Variants in NRXN3 observed in about 807,000 individuals in gnomAD.
The protein encoded by NRXN3 is neurexin 3.
NRXN3 carries 32 observed loss-of-function variants against 137.6 expected under a neutral mutation model. The observed-to-expected ratio is 0.23, with a 90% confidence interval of 0.18 to 0.31. The LOEUF is 0.31. Ranked by LOEUF, NRXN3 falls within the 10% of genes least tolerant of loss-of-function variation. The probability of loss-of-function intolerance (pLI) is 1.00; values close to 1 mark genes in which losing one functional copy is unlikely to be tolerated. For synonymous variants in NRXN3, 798 were observed against 784.5 expected (o/e 1.02, Z -0.29); for missense variants, 1,574 against 2,062.5 (o/e 0.76, Z 4.59).
chr14:79,692,644 C>T lies in NRXN3; in HGVS notation c.3706+382C>T, dbSNP rs77794894. Among the ~76,000 whole-genome samples, 777 of 152,052 alleles carry T rather than the reference C, an allele frequency of 5.1e-3. 52 individuals are homozygous for T. In the East Asian group the frequency reaches 0.13, roughly 26 times the overall value. ...ATTCCAAAAGGGCTTTTTAAACTTA[C>T]ACCTGGAGGCTGTTTTGGCTTGTAG... On this transcript the variant is annotated intron_variant, in intron 18 of 20. Transcript: ENST00000335750.
chr14:79,256,614 C>T (rs1185708724), intron 15 of NRXN3, among the ~76,000 whole-genome samples: 2 of 152,234 alleles, frequency 1.3e-5, no homozygotes, highest in Middle Eastern at 3.4e-3. Context: ...GGTTAAGTGC[C>T]CAGCATTAAT....
chr14:79,303,573 T>G (rs1376386202), intron 15 of NRXN3, among the ~76,000 whole-genome samples: 1 of 152,036 alleles, frequency 6.6e-6, no homozygotes, highest in Non-Finnish European at 1.5e-5. Flanking sequence ...TGTCAAAGAC[T>G]GAAGTGAAAG....
At chr14:79,106,768 A>T (rs1176143285) in intron 15 of NRXN3, among the ~76,000 whole-genome samples, 1 of 152,152 alleles carries the variant, frequency 6.6e-6, no homozygotes, top group African/African-American at 2.4e-5. Context: ...GATGACTGAA[A>T]GGCTTATAAA....
intron 16 of NRXN3, among the ~76,000 whole-genome samples, chr14:79,585,444 T>A (rs1394377867): frequency 6.6e-6 from 1 of 152,034 alleles, no homozygotes; most frequent in Non-Finnish European, 1.5e-5. Context: ...CCCAGCACTT[T>A]GGGAGGCCAG....
At chr14:78,692,143 G>C (rs776593143) in intron 6 of NRXN3, among the ~76,000 whole-genome samples, 1 of 152,164 alleles carries the variant, frequency 6.6e-6, no homozygotes, top group Non-Finnish European at 1.5e-5. Context: ...AAGCATTAAT[G>C]AAACACCTAA....
chr14:79,630,381 C>A (rs1198784804), intron 16 of NRXN3, among the ~76,000 whole-genome samples: 1 of 152,214 alleles, frequency 6.6e-6, no homozygotes, highest in Non-Finnish European at 1.5e-5. Flanking sequence ...AGCAGAATTT[C>A]AAGCCTAGTT....
intron 6 of NRXN3, among the ~76,000 whole-genome samples, chr14:78,652,746 A>G (rs1288057760): frequency 3.9e-5 from 6 of 152,248 alleles, no homozygotes; most frequent in African/African-American, 1.4e-4. Flanking sequence ...GGCACATAGT[A>G]GATGCATAAT....
intron 3 of NRXN3, among the ~76,000 whole-genome samples, chr14:78,289,221 T>A (rs1184826534): frequency 1.3e-5 from 2 of 152,240 alleles, no homozygotes; most frequent in Admixed American, 6.5e-5. Context: ...ATCCTGAGTG[T>A]TAGCTCATAA....
At chr14:78,847,245 A>G (rs2099029768) in intron 10 of NRXN3, among the ~76,000 whole-genome samples, 1 of 152,098 alleles carries the variant, frequency 6.6e-6, no homozygotes. Context: ...TAAAGGTGAC[A>G]GCCTTTAGTC....
At chr14:78,499,093 T>C (rs1381167337) in intron 4 of NRXN3, among the ~76,000 whole-genome samples, 1 of 152,158 alleles carries the variant, frequency 6.6e-6, no homozygotes, top group Admixed American at 6.6e-5. Context: ...AATTCTTGGC[T>C]CATAATAAGC....
At chr14:79,581,454 A>G (rs1363036405) in intron 16 of NRXN3, among the ~76,000 whole-genome samples, 1 of 152,174 alleles carries the variant, frequency 6.6e-6, no homozygotes, top group African/African-American at 2.4e-5. Context: ...TCCAACCAAC[A>G]CATCAACTCC....
intron 16 of NRXN3, among the ~76,000 whole-genome samples, chr14:79,494,777 T>G (rs1016241707): frequency 6.6e-6 from 1 of 152,210 alleles, no homozygotes; most frequent in Non-Finnish European, 1.5e-5. Context: ...GTAACCGTGA[T>G]ACATGGTTTG....
intron 16 of NRXN3, among the ~76,000 whole-genome samples, chr14:79,520,707 A>C (rs2097055836): frequency 6.6e-6 from 1 of 152,140 alleles, no homozygotes; most frequent in Admixed American, 6.6e-5. Context: ...GCAAATCAAA[A>C]CCACAATGAG....
At chr14:79,212,562 G>A (rs968311341) in intron 15 of NRXN3, among the ~76,000 whole-genome samples, 2 of 152,066 alleles carry the variant, frequency 1.3e-5, no homozygotes, top group Admixed American at 6.6e-5. Flanking sequence ...AGGATGCCAG[G>A]CCTGTTAATA....
At chr14:79,405,163 G>A (rs1467281058) in intron 15 of NRXN3, among the ~76,000 whole-genome samples, 1 of 152,100 alleles carries the variant, frequency 6.6e-6, no homozygotes, top group African/African-American at 2.4e-5. Context: ...ACATTATAGT[G>A]TGAAAAGCAG....
Position 79,171,486 on chromosome 14 carries a change from A to G in NRXN3, c.3262+183345A>G, listed in dbSNP as rs144226729. Among the ~76,000 whole-genome samples the G allele has an allele frequency of 2.5e-3, 378 of 152,258 alleles. 1 individual carries two copies. The highest frequency in any genetic ancestry group is 8.7e-3 in the African/African-American group (360 of 41,572). ...CTTAACAAAGCCAAATCATTGAAAGATACAGTCCCTCCATGAACAACAATC... is the reference window on the plus strand; with the variant it reads ...CTTAACAAAGCCAAATCATTGAAAGGTACAGTCCCTCCATGAACAACAATC... On this transcript the variant is annotated intron_variant, in intron 15 of 20. Coordinates refer to ENST00000335750, the MANE Select transcript of NRXN3 (RefSeq NM_001330195.2).
chr14:78,797,151 G>C (rs998230811), intron 8 of NRXN3, among the ~76,000 whole-genome samples: 13 of 152,158 alleles, frequency 8.5e-5, no homozygotes, highest in African/African-American at 2.9e-4. Flanking sequence ...ACCTTTCTGA[G>C]GGGGGAGACG....
chr14:78,454,564 G>A (rs1478021720), intron 4 of NRXN3, among the ~76,000 whole-genome samples: 1 of 152,232 alleles, frequency 6.6e-6, no homozygotes, highest in Non-Finnish European at 1.5e-5. Context: ...TCTCCTGAGA[G>A]GTAGGGATTT....
intron 4 of NRXN3, among the ~76,000 whole-genome samples, chr14:78,323,081 T>C (rs2079591380): frequency 6.6e-6 from 1 of 152,082 alleles, no homozygotes; most frequent in Non-Finnish European, 1.5e-5. Flanking sequence ...TCTGATTAAC[T>C]AGTATTTCAC....
Sources: gnomAD v4.1 joint callset for allele counts (sites outside exome capture counted in the v4.1 genomes callset) on GRCh38, gnomAD v4.1.1 for gene constraint, MANE v1.5 for transcripts, NCBI Gene and HGNC (gene_info 2026-07-23, HGNC 2026-07-21) for gene names.